CCDC91: variants seen among roughly 807,000 people sequenced by gnomAD.
The protein encoded by CCDC91 is coiled-coil domain containing 91.
In CCDC91, 48 loss-of-function variants were observed where a neutral mutation model predicts 63.2. The ratio of observed to expected loss-of-function variants is 0.76; its 90% CI spans 0.60 to 0.97. CCDC91 has a LOEUF of 0.97. Among genes scored for constraint, CCDC91 ranks in the 50% least tolerant of loss-of-function variants. CCDC91 has a pLI of 0.00. For synonymous variants in CCDC91, 167 were observed against 165.8 expected, an observed-to-expected ratio of 1.01 and a Z score of -0.06; for missense variants, 500 against 494.6, an observed-to-expected ratio of 1.01 and a Z score of -0.10.
At chr12:28,210,238 C>A (rs1415997967) in intron 1 of CCDC91, among the ~76,000 whole-genome samples, 3 of 152,180 alleles carry the variant, frequency 2.0e-5, no homozygotes, top group Non-Finnish European at 1.5e-5. Context: ...AGTATCTGAC[C>A]TGAATAATTT....
chr12:28,461,961 C>A (rs1276172230), intron 11 of CCDC91, among the ~76,000 whole-genome samples: 1 of 151,882 alleles, frequency 6.6e-6, no homozygotes, highest in Non-Finnish European at 1.5e-5. Context: ...AGCAGGTAAA[C>A]AGATGGTTAC....
In CCDC91 at chr12:28,512,291, A is replaced by G. The variant is rs188118742; in HGVS notation, c.1215+28126A>G. Among the ~76,000 whole-genome samples, 394 of 151,962 alleles carry G rather than the reference A, an allele frequency of 2.6e-3. 4 individuals carry two copies. Among genetic ancestry groups the G allele is most frequent in the Non-Finnish European group, 3.7e-3 (249 of 67,874 alleles). ...ATCAGTTTTTTTTCCCCTTTTCCCA[A>G]GGGAAAAACACCTTAAATCAGCATG... On this transcript the variant is annotated intron_variant, in intron 12 of 12. Transcript: ENST00000536442.
intron 3 of CCDC91, among the ~76,000 whole-genome samples, chr12:28,278,043 C>T (rs1466976964): frequency 6.6e-6 from 1 of 152,022 alleles, no homozygotes; most frequent in African/African-American, 2.4e-5. Context: ...TCTCCATCTC[C>T]GCATGTTCAG....
chr12:28,407,957 TA>T (rs1261596800), intron 8 of CCDC91, among the ~76,000 whole-genome samples: 1,149 of 113,872 alleles, frequency 0.01, 9 homozygotes, highest in East Asian at 0.049. Flanking sequence ...TATACATATA[TA>T]TATATATTTT....
At chr12:28,384,026 A>G (rs192868535) in intron 7 of CCDC91, among the ~76,000 whole-genome samples, 2 of 152,280 alleles carry the variant, frequency 1.3e-5, no homozygotes, top group East Asian at 3.9e-4. Context: ...TAATTAAGCC[A>G]AGAGCCATTG....
intron 12 of CCDC91, among the ~76,000 whole-genome samples, chr12:28,548,139 C>G (rs1943111670): frequency 6.6e-6 from 1 of 152,026 alleles, no homozygotes; most frequent in Non-Finnish European, 1.5e-5. Flanking sequence ...CAAATGATTT[C>G]CCTTACTAAC....
intron 7 of CCDC91, among the ~76,000 whole-genome samples, chr12:28,371,757 C>T (rs1944636887): frequency 1.3e-5 from 2 of 152,124 alleles, no homozygotes; most frequent in South Asian, 4.1e-4. Context: ...ATTTTTGTAT[C>T]TGCAGGTTTC....
chr12:28,261,036 T>C (rs1946792460), intron 3 of CCDC91, among the ~76,000 whole-genome samples: 1 of 152,026 alleles, frequency 6.6e-6, no homozygotes, highest in African/African-American at 2.4e-5. Context: ...TTCAGTTCTT[T>C]TTCAATAACT....
At chr12:28,393,589 T>G (rs1946090801) in intron 8 of CCDC91, among the ~76,000 whole-genome samples, 1 of 152,202 alleles carries the variant, frequency 6.6e-6, no homozygotes, top group African/African-American at 2.4e-5. Context: ...TTATTTTATC[T>G]GTGCTTGGAG....
intron 12 of CCDC91, among the ~76,000 whole-genome samples, chr12:28,547,773 T>C (rs1447490133): frequency 1.3e-5 from 2 of 152,140 alleles, no homozygotes; most frequent in East Asian, 3.9e-4. Context: ...TGATTCTGTT[T>C]GTTTAATTCT....
intron 3 of CCDC91, among the ~76,000 whole-genome samples, chr12:28,278,109 C>T (rs1367824549): frequency 6.6e-6 from 1 of 152,072 alleles, no homozygotes; most frequent in African/African-American, 2.4e-5. Context: ...CTGAGCTTTT[C>T]TGTCAGTCCT....
intron 12 of CCDC91, among the ~76,000 whole-genome samples, chr12:28,495,611 GACTTTTAC>G (rs1213361048): frequency 1.3e-5 from 2 of 151,712 alleles, no homozygotes; most frequent in African/African-American, 4.8e-5. Context: ...CACAGACACT[GACTTTTAC>G]CTTTCGAGGA....
At chr12:28,522,817 T>C (rs1281153064) in intron 12 of CCDC91, among the ~76,000 whole-genome samples, 1 of 152,206 alleles carries the variant, frequency 6.6e-6, no homozygotes, top group Non-Finnish European at 1.5e-5. Context: ...ATTTCTGCCT[T>C]CATTTCGTTA....
At chr12:28,280,695 G>T (rs548568135) in intron 3 of CCDC91, among the ~76,000 whole-genome samples, 8 of 151,980 alleles carry the variant, frequency 5.3e-5, no homozygotes, top group African/African-American at 1.9e-4. Context: ...GATATACTGT[G>T]CAGCCTGATG....
chr12:28,352,541 A>G (rs1177830810), intron 6 of CCDC91, among the ~76,000 whole-genome samples: 1 of 152,090 alleles, frequency 6.6e-6, no homozygotes, highest in Non-Finnish European at 1.5e-5. Context: ...TCAAGAAACC[A>G]CTTTCTTTGT....
chr12:28,340,605 T>C (rs1007516058), intron 6 of CCDC91, among the ~76,000 whole-genome samples: 1 of 152,136 alleles, frequency 6.6e-6, no homozygotes, highest in Admixed American at 6.6e-5. Flanking sequence ...GGTTTCCCTA[T>C]CCCCCTTGCA....
At chr12:28,368,116 C>T (rs769939756) in intron 7 of CCDC91, among the ~76,000 whole-genome samples, 6 of 152,150 alleles carry the variant, frequency 3.9e-5, no homozygotes, top group Non-Finnish European at 8.8e-5. Flanking sequence ...TTAATACACA[C>T]GTAGCTAAAC....
intron 8 of CCDC91, among the ~76,000 whole-genome samples, chr12:28,446,422 A>G (rs1172132964): frequency 6.6e-6 from 1 of 152,216 alleles, no homozygotes; most frequent in East Asian, 1.9e-4. Context: ...ACTCAAAGGA[A>G]CAAATAAAAA....
intron 7 of CCDC91, among the ~76,000 whole-genome samples, chr12:28,367,253 A>G (rs1054939773): frequency 2.6e-5 from 4 of 152,232 alleles, no homozygotes; most frequent in Non-Finnish European, 4.4e-5. Context: ...CTTGAAACCA[A>G]TGTGAAAACA....
Sources: gnomAD v4.1 joint callset for allele counts (sites outside exome capture counted in the v4.1 genomes callset) on GRCh38, gnomAD v4.1.1 for gene constraint, MANE v1.5 for transcripts, NCBI Gene and HGNC (gene_info 2026-07-23, HGNC 2026-07-21) for gene names.